The following GCNT1 variants were observed in gnomAD, a reference collection of about 807,000 sequenced individuals.
GCNT1 encodes the protein glucosaminyl (N-acetyl) transferase 1.
A neutral mutation model predicts 26.2 loss-of-function variants in GCNT1; 16 were observed. The observed-to-expected ratio is 0.61, with a 90% CI of 0.41 to 0.93. The LOEUF (loss-of-function observed/expected upper bound fraction) is 0.93. Ranked by LOEUF, GCNT1 falls within the 40% of genes least tolerant of loss-of-function variation. The probability of loss-of-function intolerance (pLI) is 0.00; values close to 1 mark genes in which losing one functional copy is unlikely to be tolerated. For synonymous variants in GCNT1, 183 were observed against 190.8 expected (o/e 0.96, Z 0.34); for missense variants, 477 against 526.7 (o/e 0.91, Z 0.92).
At chr9:76,446,782 A>C (rs964896735) in intron 1 of GCNT1, among the ~76,000 whole-genome samples, 4 of 152,170 alleles carry the variant, frequency 2.6e-5, no homozygotes, top group Admixed American at 2.6e-4. Flanking sequence ...AAGTGAGAAG[A>C]AGCAAAGTAA....
chr9:76,433,619 G>A (rs1032522295), intron 1 of GCNT1, among the ~76,000 whole-genome samples: 4 of 152,160 alleles, frequency 2.6e-5, no homozygotes, highest in South Asian at 2.1e-4. Flanking sequence ...CTGCAGTCGC[G>A]GTGGCCACAG....
chr9:76,428,699 A>ATTTTTTT (rs5898475), intron 1 of GCNT1, among the ~76,000 whole-genome samples: 8 of 130,118 alleles, frequency 6.1e-5, no homozygotes, highest in African/African-American at 1.4e-4. Flanking sequence ...TGCGTATTCT[A>ATTTTTTT]TTTTTTTTTT....
chr9:76,412,234 A>T, the GCNT1 span, among the ~76,000 whole-genome samples: 2 of 152,168 alleles, frequency 1.3e-5, no homozygotes, highest in East Asian at 3.8e-4. Flanking sequence ...ATACATAAGC[A>T]TAAGTGTATG....
chr9:76,480,472 T>G lies in GCNT1; in HGVS notation c.-290+20295T>G, dbSNP rs539622635. Among the ~76,000 whole-genome samples, 24 of 152,304 alleles carry G rather than the reference T, an allele frequency of 1.6e-4. No homozygotes were observed. In the East Asian group the frequency reaches 3.3e-3, roughly 21 times the overall value. On this transcript the variant is annotated intron_variant, in intron 2 of 3. Transcript: ENST00000376730. ...AGTATGGCCATTTTCACGATATTGA[T>G]TCTTTTCCTCCTGACAAATTTACAG...
chr9:76,500,395 A>T (rs1399489756), intron 2 of GCNT1, among the ~76,000 whole-genome samples: 1 of 152,216 alleles, frequency 6.6e-6, no homozygotes, highest in Non-Finnish European at 1.5e-5. Flanking sequence ...ACTTAAAGGC[A>T]TACTTTTTGT....
intron 2 of GCNT1, among the ~76,000 whole-genome samples, chr9:76,499,015 T>G (rs1824988020): frequency 6.6e-6 from 1 of 151,274 alleles, no homozygotes; most frequent in South Asian, 2.1e-4. Flanking sequence ...ATATCTTCAT[T>G]TAGTATTTCT....
intron 2 of GCNT1, among the ~76,000 whole-genome samples, chr9:76,490,192 A>G (rs608697): frequency 0.6 from 91,489 of 151,832 alleles, 28,161 homozygotes; most frequent in African/African-American, 0.72. Context: ...ACTGGTTAGT[A>G]TAAAAGCAAC....
chr9:76,422,559 T>C (rs1464067651), intron 1 of GCNT1, among the ~76,000 whole-genome samples: 5 of 152,198 alleles, frequency 3.3e-5, no homozygotes, highest in Admixed American at 6.5e-5. Context: ...TTTTGGTTTT[T>C]TTGAGACAGG....
At chr9:76,415,772 G>C (rs1218269792), upstream of GCNT1, among the ~76,000 whole-genome samples, 1 of 152,172 alleles carries the variant, frequency 6.6e-6, no homozygotes, top group Non-Finnish European at 1.5e-5. Flanking sequence ...CACAATGCTT[G>C]GGCCCCCTCT....
chr9:76,436,735 A>G (rs1383176814), upstream of GCNT1, among the ~76,000 whole-genome samples: 1 of 152,224 alleles, frequency 6.6e-6, no homozygotes, highest in Non-Finnish European at 1.5e-5. Context: ...ACAGGAATTA[A>G]TAGGAGCAAC....
chr9:76,477,965 C>A (rs995528042), intron 2 of GCNT1, among the ~76,000 whole-genome samples: 3 of 152,132 alleles, frequency 2.0e-5, no homozygotes, highest in Admixed American at 1.3e-4. Context: ...ATGCACCGAT[C>A]AGCGCTCTGT....
chr9:76,443,938 G>GGAAGA (rs1564225862), intron 1 of GCNT1, among the ~76,000 whole-genome samples: 116 of 58,360 alleles, frequency 2.0e-3, no homozygotes, highest in African/African-American at 7.3e-3. Flanking sequence ...AGAAAGGAAG[G>GGAAGA]AAGGAAGGAA....
chr9:76,474,164 G>A (rs1441107333), intron 2 of GCNT1, among the ~76,000 whole-genome samples: 2 of 152,122 alleles, frequency 1.3e-5, no homozygotes, highest in Admixed American at 6.5e-5. Context: ...GTGAAACCTT[G>A]ATGATGTACC....
the GCNT1 span, chr9:76,398,702 T>A: frequency 7.9e-7 from 1 of 1,267,590 alleles, no homozygotes. Flanking sequence ...TTTCACAATG[T>A]CCGGAGCCCT....
At chr9:76,423,076 T>C (rs1489816463) in intron 1 of GCNT1, among the ~76,000 whole-genome samples, 2 of 152,234 alleles carry the variant, frequency 1.3e-5, no homozygotes, top group Non-Finnish European at 2.9e-5. Flanking sequence ...TTATGATGGA[T>C]TTAGCAGGAC....
the GCNT1 span, among the ~76,000 whole-genome samples, chr9:76,405,772 T>G: frequency 6.6e-6 from 1 of 152,342 alleles, no homozygotes; most frequent in African/African-American, 2.4e-5. Context: ...TGTATCATAG[T>G]TTATTTTCCT....
upstream of GCNT1, among the ~76,000 whole-genome samples, chr9:76,458,099 C>T (rs1823788867): frequency 6.6e-6 from 1 of 151,446 alleles, no homozygotes; most frequent in African/African-American, 2.4e-5. Context: ...TCCTCTATAC[C>T]ATCATCTTAT....
chr9:76,419,395 C>T (rs1035117345), upstream of GCNT1, among the ~76,000 whole-genome samples: 4 of 152,124 alleles, frequency 2.6e-5, no homozygotes, highest in African/African-American at 4.8e-5. Flanking sequence ...GTAAGCTGGG[C>T]GTAGTGGGTC....
intron 2 of GCNT1, among the ~76,000 whole-genome samples, chr9:76,464,016 C>T (rs575635963): frequency 1.9e-4 from 28 of 148,778 alleles, no homozygotes; most frequent in South Asian, 1.3e-3. Flanking sequence ...GTCAACATAG[C>T]GAGACTCCCA....
Sources: gnomAD v4.1 joint callset for allele counts (sites outside exome capture counted in the v4.1 genomes callset) on GRCh38, gnomAD v4.1.1 for gene constraint, MANE v1.5 for transcripts, NCBI Gene and HGNC (gene_info 2026-07-23, HGNC 2026-07-21) for gene names.